LTBP1: variants seen among roughly 807,000 people sequenced by gnomAD.
LTBP1 encodes latent-transforming growth factor beta-binding protein 1.
A neutral mutation model predicts 207.6 loss-of-function variants in LTBP1; 129 were observed. That is an observed-to-expected ratio of 0.62 (90% confidence interval 0.54 to 0.72). The LOEUF (loss-of-function observed/expected upper bound fraction) is 0.72, where lower values mean the gene tolerates loss of function less well. LTBP1 is among the 30% of genes least tolerant of loss of function. The pLI, the probability that LTBP1 is intolerant of heterozygous loss-of-function variation, is 0.00. For synonymous variants in LTBP1, 963 were observed against 833.7 expected (o/e 1.16, Z -2.67); for missense variants, 2,281 against 2,217.2 (o/e 1.03, Z -0.58).
chr2:33,299,449 C>T (rs1260775505), intron 20 of LTBP1, among the ~76,000 whole-genome samples: 1 of 152,058 alleles, frequency 6.6e-6, no homozygotes, highest in African/African-American at 2.4e-5. Context: ...TTTATTACTC[C>T]CTTTAGATTA....
intron 3 of LTBP1, among the ~76,000 whole-genome samples, chr2:33,025,712 GATGAA>G (rs1177970542): frequency 6.6e-6 from 1 of 152,204 alleles, no homozygotes; most frequent in Non-Finnish European, 1.5e-5. Context: ...AGTATTTACA[GATGAA>G]ATGATATGAT....
intron 2 of LTBP1, among the ~76,000 whole-genome samples, chr2:32,964,236 T>A (rs980870817): frequency 2.0e-5 from 3 of 152,190 alleles, no homozygotes; most frequent in African/African-American, 7.2e-5. Flanking sequence ...ACACTTTTTT[T>A]ATTAGATGTG....
intron 5 of LTBP1, among the ~76,000 whole-genome samples, chr2:33,167,316 A>G (rs192061387): frequency 6.5e-4 from 99 of 151,970 alleles, no homozygotes; most frequent in Admixed American, 8.5e-4. Flanking sequence ...CATTCAAACG[A>G]CTTCCCAATT....
Position 33,215,310 on chromosome 2 carries a change from T to C in LTBP1, c.1702-2242T>C, listed in dbSNP as rs185402783. 2.4e-3 allele frequency among the ~76,000 whole-genome samples: 358 copies of C among 152,278 alleles called. 3 individuals are homozygous for C. Among genetic ancestry groups the C allele is most frequent in the African/African-American group, 8.4e-3 (349 of 41,530 alleles). On this transcript the variant is annotated intron_variant, in intron 7 of 33. Transcript: ENST00000404816. Reference sequence around the variant, plus strand: ...AGGAAAATGTCTAAGATAATGCGTGTAAGAAGTCCTACAGTCAGAATTCAT... The same window carrying C: ...AGGAAAATGTCTAAGATAATGCGTGCAAGAAGTCCTACAGTCAGAATTCAT...
At chr2:33,227,647 T>C (rs1302898047) in intron 9 of LTBP1, among the ~76,000 whole-genome samples, 4 of 152,114 alleles carry the variant, frequency 2.6e-5, no homozygotes, top group Admixed American at 2.0e-4. Flanking sequence ...TATATGTTGT[T>C]GTTCACCTCT....
intron 2 of LTBP1, among the ~76,000 whole-genome samples, chr2:32,970,743 CT>C (rs35755633): frequency 1.7e-4 from 25 of 147,548 alleles, no homozygotes; most frequent in East Asian, 7.9e-4. Context: ...TGTTTGGGCT[CT>C]TTTTTTTTTG....
chr2:33,026,725 A>G (rs888291489), intron 3 of LTBP1, among the ~76,000 whole-genome samples: 1 of 152,254 alleles, frequency 6.6e-6, no homozygotes. Context: ...TGGGATGAGA[A>G]CTAAAAATTT....
intron 22 of LTBP1, among the ~76,000 whole-genome samples, chr2:33,301,924 A>G (rs2093995173): frequency 6.6e-6 from 1 of 152,216 alleles, no homozygotes; most frequent in Non-Finnish European, 1.5e-5. Flanking sequence ...TATCCTGGGT[A>G]CATAGTTCTG....
intron 10 of LTBP1, among the ~76,000 whole-genome samples, chr2:33,246,453 G>A (rs1302373059): frequency 2.0e-5 from 3 of 151,170 alleles, no homozygotes; most frequent in Non-Finnish European, 4.4e-5. Context: ...TAGCAGGAGG[G>A]GACTGGAGAT....
intron 19 of LTBP1, among the ~76,000 whole-genome samples, chr2:33,281,540 T>A (rs544379881): frequency 6.6e-6 from 1 of 152,310 alleles, no homozygotes; most frequent in Non-Finnish European, 1.5e-5. Context: ...CTCATAGCCC[T>A]GGGAAGACAT....
intron 3 of LTBP1, among the ~76,000 whole-genome samples, chr2:33,061,132 C>A (rs945419912): frequency 6.6e-6 from 1 of 152,092 alleles, no homozygotes; most frequent in African/African-American, 2.4e-5. Context: ...GGAAAGACTT[C>A]TTTTTTCTAA....
At chr2:33,041,434 G>C (rs181487623) in intron 3 of LTBP1, among the ~76,000 whole-genome samples, 5 of 152,050 alleles carry the variant, frequency 3.3e-5, no homozygotes, top group African/African-American at 7.2e-5. Context: ...ACAGGTGCCC[G>C]CCACCATGCC....
intron 3 of LTBP1, among the ~76,000 whole-genome samples, chr2:33,082,953 G>A (rs2078532210): frequency 6.6e-6 from 1 of 152,038 alleles, no homozygotes; most frequent in Non-Finnish European, 1.5e-5. Flanking sequence ...AAACCTCCCA[G>A]TTCTCCAGGC....
intron 3 of LTBP1, among the ~76,000 whole-genome samples, chr2:33,052,688 AAG>A (rs2076803468): frequency 6.6e-6 from 1 of 152,196 alleles, no homozygotes; most frequent in South Asian, 2.1e-4. Context: ...TACTATTTGT[AAG>A]TTTTCTGTAT....
chr2:33,019,717 CTT>C (rs2075059684), intron 2 of LTBP1, among the ~76,000 whole-genome samples: 1 of 151,724 alleles, frequency 6.6e-6, no homozygotes, highest in Admixed American at 6.6e-5. Context: ...GATAACTTCT[CTT>C]TTTAAATTTT....
intron 3 of LTBP1, among the ~76,000 whole-genome samples, chr2:33,050,305 C>CGAT (rs1180263410): frequency 6.6e-6 from 1 of 151,998 alleles, no homozygotes; most frequent in Non-Finnish European, 1.5e-5. Context: ...CTCTTAGAAA[C>CGAT]TATCTGTAGC....
Position 33,309,474 on chromosome 2 carries a change from A to T in LTBP1, c.3522A>T (p.Arg1174Ser). ...TGGAGGACAAGAGTGTTTGCCAGAG[A>T]GGAGACTGCATTAATACTGCAGGGT... The part of the protein sequence containing the change: ...ECLEDKSVCQ[R>S]GDCINTAGSY... Residue 1174 changes from arginine (R) to serine (S), a missense_variant, in exon 23 of 34, where the codon AGA (arginine) becomes AGT (serine). Transcript: ENST00000404816. 6.2e-7 allele frequency: 1 copy of T among 1,610,402 alleles called. No homozygotes were observed. Among genetic ancestry groups the T allele is most frequent in the South Asian group, 1.1e-5 (1 of 89,996 alleles).
At chr2:33,195,002 T>A (rs1475653450) in intron 7 of LTBP1, among the ~76,000 whole-genome samples, 2 of 152,158 alleles carry the variant, frequency 1.3e-5, no homozygotes, top group Non-Finnish European at 2.9e-5. Context: ...GGCACATGTG[T>A]TTGCAGTTTG....
chr2:33,368,278 C>A (rs1260618701), intron 31 of LTBP1, among the ~76,000 whole-genome samples: 3 of 152,122 alleles, frequency 2.0e-5, no homozygotes, highest in African/African-American at 7.2e-5. Context: ...ATGGAGATTT[C>A]TCAAAGAACT....
Sources: allele counts gnomAD v4.1 joint callset (sites outside exome capture counted in the v4.1 genomes callset), GRCh38; gene constraint gnomAD v4.1.1; transcripts MANE v1.5; gene names NCBI Gene and HGNC (gene_info 2026-07-23, HGNC 2026-07-21).